The following KLHL24 variants were observed in gnomAD, a reference collection of about 807,000 sequenced individuals.
KLHL24 encodes kelch like family member 24, also known as kelch-like protein 24.
KLHL24 carries 29 observed loss-of-function variants against 53.4 expected under a neutral mutation model. That is an observed-to-expected ratio of 0.54 (90% CI 0.40 to 0.74). KLHL24 has a LOEUF of 0.74. Among genes scored for constraint, KLHL24 ranks in the 30% least tolerant of loss-of-function variants. The probability of loss-of-function intolerance (pLI) is 0.00; values close to 1 mark genes in which losing one functional copy is unlikely to be tolerated. For synonymous variants in KLHL24, 222 were observed against 253.7 expected (o/e 0.88, Z 1.19); for missense variants, 504 against 744.0 (o/e 0.68, Z 3.75).
intron 3 of KLHL24, among the ~76,000 whole-genome samples, chr3:183,652,483 A>G (rs1221389512): frequency 6.6e-6 from 1 of 152,154 alleles, no homozygotes; most frequent in East Asian, 1.9e-4. Context: ...TTACTGTCTT[A>G]ATCATTTTTA....
At chr3:183,667,394 C>A (rs1034436890) in intron 5 of KLHL24, among the ~76,000 whole-genome samples, 1 of 152,230 alleles carries the variant, frequency 6.6e-6, no homozygotes. Context: ...TGTTAGGAAT[C>A]TAATTGCACA....
At chr3:183,674,307 T>TCTTTCCTTC (rs1560186036) in intron 7 of KLHL24, among the ~76,000 whole-genome samples, 2 of 118,584 alleles carry the variant, frequency 1.7e-5, no homozygotes, top group African/African-American at 6.3e-5. Flanking sequence ...TTCTTTCCTT[T>TCTTTCCTTC]CTTCCTTCCT....
chr3:183,653,872 C>T (rs1193789424), intron 3 of KLHL24, among the ~76,000 whole-genome samples: 2 of 152,174 alleles, frequency 1.3e-5, no homozygotes, highest in African/African-American at 2.4e-5. Context: ...CCTCCTGTTT[C>T]ACCCAGTGAC....
chr3:183,655,925 T>G (rs2108813235), intron 3 of KLHL24, among the ~76,000 whole-genome samples: 1 of 150,636 alleles, frequency 6.6e-6, no homozygotes, highest in South Asian at 2.1e-4. Context: ...GAGAGACTCC[T>G]TTAAAAAAAA....
At chr3:183,645,825 A>G (rs1717144229) in intron 2 of KLHL24, among the ~76,000 whole-genome samples, 1 of 152,192 alleles carries the variant, frequency 6.6e-6, no homozygotes, top group Non-Finnish European at 1.5e-5. Flanking sequence ...AAGAGAAACT[A>G]ATTTTCCTAA....
intron 5 of KLHL24, among the ~76,000 whole-genome samples, chr3:183,665,794 A>G (rs1329423475): frequency 2.0e-5 from 3 of 151,760 alleles, no homozygotes; most frequent in Non-Finnish European, 4.4e-5. Flanking sequence ...TTTAAAGAAA[A>G]CCTATTTTTG....
Position 183,680,612 on chromosome 3 carries a change from C to CAG in KLHL24, c.*1328_*1329dup, listed in dbSNP as rs1474921276. 6.6e-6 allele frequency: 1 copy of CAG among 152,230 alleles called. No homozygotes were observed. The highest frequency in any genetic ancestry group is 1.5e-5 in the Non-Finnish European group (1 of 68,034). 9.4% of individuals were successfully genotyped at this position (152,230 alleles called of 1,614,324 possible). Reference sequence around the variant, plus strand: ...TCAACATTTTCAAGCTTCTGTACAACAGACTGCTTTTGTCTAGATTTCTCA... The same window carrying CAG: ...TCAACATTTTCAAGCTTCTGTACAACAGAGACTGCTTTTGTCTAGATTTCTCA... On this transcript the variant is annotated 3_prime_UTR_variant, in exon 8 of 8. Transcript: ENST00000242810.
chr3:183,661,716 G>A (rs62288764), intron 3 of KLHL24, among the ~76,000 whole-genome samples: 298 of 152,272 alleles, frequency 2.0e-3, no homozygotes, highest in Non-Finnish European at 2.9e-3. Context: ...GGGCTAAGAA[G>A]TCTTGAAAAA....
At chr3:183,674,856 T>C (rs1711568130) in intron 7 of KLHL24, among the ~76,000 whole-genome samples, 1 of 152,184 alleles carries the variant, frequency 6.6e-6, no homozygotes, top group South Asian at 2.1e-4. Flanking sequence ...ATCATAAATG[T>C]TCTTGCCCTG....
intron 1 of KLHL24, among the ~76,000 whole-genome samples, chr3:183,639,359 G>T (rs755256810): frequency 6.6e-6 from 1 of 152,070 alleles, no homozygotes; most frequent in Non-Finnish European, 1.5e-5. Flanking sequence ...GGCCGGGCGC[G>T]GTGGCTCACG....
rs552975120 is a variant in KLHL24 at position 183,650,091 on chromosome 3, G to A, written c.-61-205G>A. 6.6e-6 allele frequency among the ~76,000 whole-genome samples: 1 copy of A among 152,264 alleles called. No individual in the cohort carries two copies. Among genetic ancestry groups the A allele is most frequent in the East Asian group, 1.9e-4 (1 of 5,184 alleles). ...TTCAGCTAGAAAAGGGGAGCTTAAGGAGTACTATTGCAAATTACCCCAATG... is the reference window on the plus strand; with the variant it reads ...TTCAGCTAGAAAAGGGGAGCTTAAGAAGTACTATTGCAAATTACCCCAATG... On this transcript the variant is annotated intron_variant, in intron 2 of 7. Coordinates refer to ENST00000242810, the MANE Select transcript of KLHL24 (RefSeq NM_017644.3). The surrounding 1 kb of genome is among the most constrained non-coding windows in gnomAD (Gnocchi z 4.5).
rs1453851840 is a variant in KLHL24 at position 183,683,008 on chromosome 3, G to A, written c.*3722G>A. 5 of 151,372 alleles carry A rather than the reference G, an allele frequency of 3.3e-5. No homozygotes were observed. In the South Asian group the frequency reaches 8.4e-4, roughly 25 times the overall value. The allele number at this position is 151,372 out of a possible 1,614,324, so 9.4% of individuals were successfully genotyped here. On this transcript the variant is annotated 3_prime_UTR_variant, in exon 8 of 8. Transcript: ENST00000242810. ...GTCGCCCAGGCTGGAGTGCAGTGGC[G>A]CGATCTCAGCTGACTGCAACCTCCA...
chr3:183,640,631 G>A (rs903214658), intron 1 of KLHL24, among the ~76,000 whole-genome samples: 1 of 123,752 alleles, frequency 8.1e-6, no homozygotes, highest in African/African-American at 3.1e-5. Flanking sequence ...ACAGAGTCTT[G>A]CTCTGTCGCC....
At chr3:183,666,364 C>G (rs781198422) in intron 5 of KLHL24, among the ~76,000 whole-genome samples, 7 of 152,046 alleles carry the variant, frequency 4.6e-5, no homozygotes, top group Non-Finnish European at 8.8e-5. Context: ...TGGACCCAAA[C>G]TATCCCTTCT....
Position 183,663,399 on chromosome 3 carries a change from A to G in KLHL24, c.921-59A>G. The G allele has an allele frequency of 1.1e-6, 1 of 893,168 alleles. No homozygotes were observed. Among genetic ancestry groups the G allele is most frequent in the South Asian group, 3.5e-5 (1 of 28,238 alleles). 55.3% of individuals were successfully genotyped at this position (893,168 alleles called of 1,614,324 possible). ...TTTAGAGTTTTAAGAAAAAATCTGG[A>G]GTATATTTTAATGTAATATTATTAT... On this transcript the variant is annotated intron_variant, in intron 3 of 7. Transcript: ENST00000242810. The surrounding 1 kb of genome is among the most constrained non-coding windows in gnomAD (Gnocchi z 4.9).
intron 5 of KLHL24, among the ~76,000 whole-genome samples, chr3:183,666,116 C>T (rs6783641): frequency 0.34 from 50,915 of 151,956 alleles, 9,394 homozygotes; most frequent in African/African-American, 0.49. Context: ...CTCCTGAGCT[C>T]GTGATCCTCC....
chr3:183,656,890 G>A (rs1393191058), intron 3 of KLHL24, among the ~76,000 whole-genome samples: 7 of 141,656 alleles, frequency 4.9e-5, no homozygotes, highest in Non-Finnish European at 7.5e-5. Flanking sequence ...GCGAGACCCC[G>A]TTCTCCAGAA....
intron 2 of KLHL24, among the ~76,000 whole-genome samples, chr3:183,646,114 CAGCACTCTG>C (rs1246351357): frequency 1.5e-4 from 23 of 151,338 alleles, no homozygotes; most frequent in Admixed American, 1.5e-3. Context: ...CCTGTAATCC[CAGCACTCTG>C]GGAGGCTGAG....
Position 183,651,088 on chromosome 3 carries a change from A to G in KLHL24, c.732A>G (p.Arg244=). The G allele has an allele frequency of 6.2e-7, 1 of 1,614,180 alleles. No individual in the cohort carries two copies. Among genetic ancestry groups the G allele is most frequent in the Non-Finnish European group, 8.5e-7 (1 of 1,180,022 alleles). The change falls in exon 3 of 8, where the codon AGA becomes AGG. Residue 244 remains arginine (R), a synonymous_variant. Coordinates refer to ENST00000242810, the MANE Select transcript of KLHL24 (RefSeq NM_017644.3). ...MRWVYRAVDL[R]RPLLHELLTH... is the part of the protein sequence containing the mutation. ...GGGTCTATCGTGCCGTTGATCTGAG[A>G]AGACCACTGTTACACGAGCTCCTGA...
Sources: gnomAD v4.1 joint callset for allele counts (sites outside exome capture counted in the v4.1 genomes callset) on GRCh38, gnomAD v4.1.1 for gene constraint, Gnocchi (gnomAD v3.1) non-coding constraint, MANE v1.5 for transcripts, NCBI Gene and HGNC (gene_info 2026-07-23, HGNC 2026-07-21) for gene names.